Variants in SNX24 observed in about 807,000 individuals in gnomAD.
The protein encoded by SNX24 is sorting nexin-24.
SNX24 carries 22 observed loss-of-function variants against 28.7 expected under a neutral mutation model. The ratio of observed to expected loss-of-function variants is 0.77; its 90% CI spans 0.55 to 1.10. The LOEUF is 1.10. Among genes scored for constraint, SNX24 ranks in the 50% least tolerant of loss-of-function variants. The pLI is 0.00. For missense variants in SNX24, 221 were observed against 201.1 expected (o/e 1.10, Z -0.60); for synonymous variants, 69 against 71.5 (o/e 0.96, Z 0.18).
At chr5:122,893,647 G>A (rs1375231433) in intron 1 of SNX24, among the ~76,000 whole-genome samples, 1 of 152,020 alleles carries the variant, frequency 6.6e-6, no homozygotes, top group Non-Finnish European at 1.5e-5. Flanking sequence ...GCCCAAAACT[G>A]TTTTAACAAT....
At chr5:122,913,376 G>A (rs796665535) in intron 1 of SNX24, among the ~76,000 whole-genome samples, 8 of 151,372 alleles carry the variant, frequency 5.3e-5, no homozygotes, top group Non-Finnish European at 1.0e-4. Flanking sequence ...CGGACGGGGC[G>A]GCTGGCTGGG....
chr5:122,989,340 G>A (rs2150164095), intron 3 of SNX24, among the ~76,000 whole-genome samples: 1 of 152,224 alleles, frequency 6.6e-6, no homozygotes, highest in South Asian at 2.1e-4. Context: ...TGACAACTAA[G>A]CTCAAAGACC....
intron 3 of SNX24, among the ~76,000 whole-genome samples, chr5:122,973,199 A>G (rs562312183): frequency 6.6e-6 from 1 of 152,124 alleles, no homozygotes; most frequent in Non-Finnish European, 1.5e-5. Flanking sequence ...TTTGTCACCA[A>G]TTTTCCAATC....
intron 1 of SNX24, among the ~76,000 whole-genome samples, chr5:122,856,717 T>C (rs561997468): frequency 1.3e-5 from 2 of 152,140 alleles, no homozygotes; most frequent in East Asian, 3.9e-4. Flanking sequence ...GGTTTCACCA[T>C]GTTTGCCAGG....
intron 1 of SNX24, among the ~76,000 whole-genome samples, chr5:122,850,986 T>G (rs1328715314): frequency 6.6e-6 from 1 of 152,092 alleles, no homozygotes; most frequent in Non-Finnish European, 1.5e-5. Flanking sequence ...TCCTGAGTGG[T>G]CTTGCAAGTT....
At chr5:123,017,316 C>T (rs189201098) in intron 5 of SNX24, among the ~76,000 whole-genome samples, 8 of 152,172 alleles carry the variant, frequency 5.3e-5, no homozygotes, top group Admixed American at 3.3e-4. Context: ...TCACCTGCTC[C>T]GCTCATGTGC....
At chr5:122,932,565 T>C (rs1758998815) in intron 1 of SNX24, among the ~76,000 whole-genome samples, 1 of 152,216 alleles carries the variant, frequency 6.6e-6, no homozygotes, top group South Asian at 2.1e-4. Flanking sequence ...CTTGTCAAAA[T>C]ATACCCAATT....
intron 6 of SNX24, among the ~76,000 whole-genome samples, chr5:123,004,736 C>A (rs1476442353): frequency 6.6e-6 from 1 of 152,174 alleles, no homozygotes; most frequent in Non-Finnish European, 1.5e-5. Flanking sequence ...TTCTGGGCCT[C>A]AGATGTGCTG....
intron 1 of SNX24, among the ~76,000 whole-genome samples, chr5:122,928,198 G>C (rs1758785046): frequency 6.6e-6 from 1 of 152,130 alleles, no homozygotes; most frequent in Admixed American, 6.6e-5. Context: ...AGTTAAATTA[G>C]ATTCTGTGAC....
intron 3 of SNX24, among the ~76,000 whole-genome samples, chr5:122,991,067 T>C (rs1322355930): frequency 1.3e-5 from 2 of 152,132 alleles, no homozygotes; most frequent in Non-Finnish European, 2.9e-5. Flanking sequence ...CGACTAATTT[T>C]TGTATTTTTG....
intron 1 of SNX24, among the ~76,000 whole-genome samples, chr5:122,922,918 G>A (rs1258641936): frequency 6.6e-6 from 1 of 152,178 alleles, no homozygotes; most frequent in African/African-American, 2.4e-5. Context: ...CACATGGTAT[G>A]TGCTCAAAAA....
intron 3 of SNX24, among the ~76,000 whole-genome samples, chr5:122,987,359 G>T (rs932923348): frequency 3.9e-5 from 6 of 152,140 alleles, no homozygotes; most frequent in Non-Finnish European, 8.8e-5. Flanking sequence ...AAACTCTCTG[G>T]GTTGGACCAA....
intron 5 of SNX24, among the ~76,000 whole-genome samples, chr5:123,016,128 T>G (rs1015760261): frequency 6.6e-6 from 1 of 152,206 alleles, no homozygotes; most frequent in African/African-American, 2.4e-5. Context: ...CTTATGAAAC[T>G]TACAGAATAA....
intron 4 of SNX24, 50 bp downstream of exon 4, chr5:123,000,056 T>TTGGTCATTGAA: frequency 2.5e-6 from 3 of 1,203,798 alleles, no homozygotes; most frequent in Non-Finnish European, 3.7e-6. Context: ...TACTCTTCAA[T>TTGGTCATTGAA]GACCAATTGA....
At chr5:122,934,852 T>C (rs994143560) in intron 1 of SNX24, among the ~76,000 whole-genome samples, 1 of 152,186 alleles carries the variant, frequency 6.6e-6, no homozygotes, top group African/African-American at 2.4e-5. Flanking sequence ...TGGTGGAACA[T>C]CCACCCTCCC....
chr5:122,910,077 T>C (rs1212151341), intron 1 of SNX24, among the ~76,000 whole-genome samples: 2 of 152,172 alleles, frequency 1.3e-5, no homozygotes, highest in Non-Finnish European at 2.9e-5. Context: ...AGTAAAGTGG[T>C]AAAAGAAGAA....
intron 1 of SNX24, among the ~76,000 whole-genome samples, chr5:122,878,709 C>G (rs915761039): frequency 6.6e-6 from 1 of 152,102 alleles, no homozygotes; most frequent in Non-Finnish European, 1.5e-5. Flanking sequence ...TGGTGGCTTA[C>G]GCCTGTAATC....
intron 3 of SNX24, among the ~76,000 whole-genome samples, chr5:122,990,384 A>G (rs1433629302): frequency 6.6e-6 from 1 of 152,240 alleles, no homozygotes; most frequent in Non-Finnish European, 1.5e-5. Context: ...CTAGTATACT[A>G]TGTCTAAACT....
intron 1 of SNX24, among the ~76,000 whole-genome samples, chr5:122,849,740 C>A (rs760497510): frequency 5.9e-5 from 9 of 152,178 alleles, no homozygotes; most frequent in Non-Finnish European, 1.3e-4. Flanking sequence ...TATTTAATAT[C>A]CTCTGCTATA....
Sources: gnomAD v4.1 joint callset for allele counts (sites outside exome capture counted in the v4.1 genomes callset) on GRCh38, gnomAD v4.1.1 for gene constraint, MANE v1.5 for transcripts, NCBI Gene and HGNC (gene_info 2026-07-23, HGNC 2026-07-21) for gene names.